PLEKHA5: variants seen among roughly 807,000 people sequenced by gnomAD.
The protein encoded by PLEKHA5 is pleckstrin homology domain containing A5.
A neutral mutation model predicts 181.9 loss-of-function variants in PLEKHA5; 55 were observed. That is an observed-to-expected ratio of 0.30 (90% CI 0.24 to 0.38). The LOEUF (loss-of-function observed/expected upper bound fraction) is 0.38. Among genes scored for constraint, PLEKHA5 ranks in the 10% least tolerant of loss-of-function variants. The pLI, the probability that PLEKHA5 is intolerant of heterozygous loss-of-function variation, is 1.00. For synonymous variants in PLEKHA5, 535 were observed against 529.4 expected (o/e 1.01, Z -0.15); for missense variants, 1,432 against 1,549.5 (o/e 0.92, Z 1.27).
chr12:19,184,020 A>G (rs2049238546), intron 3 of PLEKHA5, among the ~76,000 whole-genome samples: 1 of 152,094 alleles, frequency 6.6e-6, no homozygotes, highest in African/African-American at 2.4e-5. Context: ...TGGTCTTATA[A>G]GGAAAAATTT....
At chr12:19,186,327 A>T (rs1405206864) in intron 3 of PLEKHA5, among the ~76,000 whole-genome samples, 1 of 152,198 alleles carries the variant, frequency 6.6e-6, no homozygotes, top group African/African-American at 2.4e-5. Context: ...ATCAAAGGAC[A>T]TTGTCACATC....
chr12:19,366,051 A>G lies in PLEKHA5; in HGVS notation c.3696A>G (p.Glu1232=). 6.2e-7 allele frequency: 1 copy of G among 1,611,796 alleles called. No homozygotes were observed. The highest frequency in any genetic ancestry group is 8.5e-7 in the Non-Finnish European group (1 of 1,178,204). ...NTKNSVDEQE[E]TVISYESTPE... ...AGAACAGTGTTGACGAACAGGAAGA[A>G]ACTGTTATTTCTTACGAATCAACTC... Residue 1232 remains glutamate, a synonymous_variant, in exon 30 of 32, where the codon GAA becomes GAG. Transcript: ENST00000429027.
intron 15 of PLEKHA5, among the ~76,000 whole-genome samples, chr12:19,305,599 C>T (rs994150154): frequency 2.0e-5 from 3 of 150,232 alleles, no homozygotes; most frequent in African/African-American, 7.3e-5. Context: ...GGCTTGAGGC[C>T]TGTAATTCCA....
At chr12:19,191,406 A>T (rs938102604) in intron 3 of PLEKHA5, among the ~76,000 whole-genome samples, 4 of 152,158 alleles carry the variant, frequency 2.6e-5, no homozygotes, top group Non-Finnish European at 5.9e-5. Context: ...GTTAATGTTG[A>T]GTGTTGTTGA....
chr12:19,233,678 C>T (rs1418437477), intron 3 of PLEKHA5, among the ~76,000 whole-genome samples: 3 of 152,140 alleles, frequency 2.0e-5, no homozygotes, highest in South Asian at 2.1e-4. Flanking sequence ...AACATAAGGG[C>T]TGAAAAATTA....
intron 24 of PLEKHA5, 108 bp from the exon 25 acceptor site, chr12:19,348,291 C>T: frequency 2.6e-6 from 2 of 763,452 alleles, no homozygotes; most frequent in East Asian, 5.7e-5. Context: ...TCCCAGATGG[C>T]TCACTAGGGC....
chr12:19,355,267 A>G (rs191225070), intron 26 of PLEKHA5, among the ~76,000 whole-genome samples: 104 of 151,916 alleles, frequency 6.8e-4, no homozygotes, highest in African/African-American at 2.4e-3. Flanking sequence ...ATCTTTATCA[A>G]TACTCTACCT....
At chr12:19,212,709 T>G (rs892514012) in intron 3 of PLEKHA5, among the ~76,000 whole-genome samples, 3 of 152,190 alleles carry the variant, frequency 2.0e-5, no homozygotes, top group Non-Finnish European at 4.4e-5. Flanking sequence ...TATTTATAAC[T>G]TTTGAAATGT....
chr12:19,167,184 C>T (rs531386256), intron 3 of PLEKHA5, among the ~76,000 whole-genome samples: 2 of 152,242 alleles, frequency 1.3e-5, no homozygotes, highest in African/African-American at 4.8e-5. Flanking sequence ...GAGCAGTAAT[C>T]TGATCTCAGA....
intron 29 of PLEKHA5, among the ~76,000 whole-genome samples, chr12:19,364,649 C>T (rs78313437): frequency 0.023 from 3,440 of 151,904 alleles, 67 homozygotes; most frequent in East Asian, 0.054. Context: ...ACCCAATAAC[C>T]CCTGAACTCA....
In PLEKHA5 at chr12:19,356,360, C is replaced by T. The variant is rs536614794; in HGVS notation, c.3139-1868C>T. Among the ~76,000 whole-genome samples the T allele has an allele frequency of 7.9e-5, 12 of 151,540 alleles. No homozygotes were observed. In the East Asian group the frequency reaches 2.4e-3, roughly 30 times the overall value. ...GGAGACCCCATCTCTACAAAAATTACCAAAAAAAATTAGCCAGGCATGGTG... is the reference window on the plus strand; with the variant it reads ...GGAGACCCCATCTCTACAAAAATTATCAAAAAAAATTAGCCAGGCATGGTG... On this transcript the variant is annotated intron_variant, in intron 26 of 31. Coordinates refer to ENST00000429027, the MANE Select transcript of PLEKHA5 (RefSeq NM_001256470.2).
At chr12:19,264,233 G>A (rs938776573) in intron 7 of PLEKHA5, among the ~76,000 whole-genome samples, 8 of 152,024 alleles carry the variant, frequency 5.3e-5, no homozygotes, top group South Asian at 4.1e-4. Flanking sequence ...CAGATACTAA[G>A]CATCAATAAC....
rs2033175998 is a variant in PLEKHA5, at chr12:19,130,320, G to T, written c.169+190G>T. On this transcript the variant is annotated intron_variant, in intron 2 of 31. Coordinates refer to ENST00000429027, the MANE Select transcript of PLEKHA5 (RefSeq NM_001256470.2). This position sits in a 1 kb window ranked among gnomAD's most constrained non-coding sequence, Gnocchi z 4.5. ...GCCGCCGGGAGTTCTCTCCAGTCTC[G>T]GGGCGCCTCTTTCTCCTCAGCCTTT... Among the ~76,000 whole-genome samples the T allele has an allele frequency of 6.6e-6, 1 of 151,874 alleles. No individual in the cohort carries two copies. The highest frequency in any genetic ancestry group is 1.5e-5 in the Non-Finnish European group (1 of 67,912).
intron 3 of PLEKHA5, among the ~76,000 whole-genome samples, chr12:19,174,727 T>G (rs2046785214): frequency 6.6e-6 from 1 of 152,222 alleles, no homozygotes; most frequent in African/African-American, 2.4e-5. Flanking sequence ...CTTTTATTAT[T>G]TACATGATGC....
At chr12:19,202,652 C>G (rs1335431926) in intron 3 of PLEKHA5, among the ~76,000 whole-genome samples, 1 of 151,602 alleles carries the variant, frequency 6.6e-6, no homozygotes, top group Non-Finnish European at 1.5e-5. Flanking sequence ...TGAACCCTAA[C>G]AAACTCCAAT....
At position 19,320,585 on chromosome 12, in the gene PLEKHA5, C is replaced by A; in HGVS notation, c.2178C>A (p.Gly726=). 1 of 1,514,248 alleles carries A rather than the reference C, an allele frequency of 6.6e-7. No homozygotes were observed. The highest frequency in any genetic ancestry group is 1.7e-5 in the Admixed American group (1 of 57,556). The allele number at this position is 1,514,248 out of a possible 1,614,324, so 93.8% of individuals were successfully genotyped here. A position where few individuals can be genotyped will look rare whatever the true frequency, so the allele number is the denominator to read the frequency against. Residue 726 remains glycine (G), a synonymous_variant, in exon 18 of 32, where the codon GGC becomes GGA. Transcript: ENST00000429027. ...LYCLSQDEGR[G]TLYKYRPEEV... ...AGCTGTCACAAGATGAAGGTAGAGG[C>A]ACATTATACAAATACAGACCTGAAG...
intron 3 of PLEKHA5, among the ~76,000 whole-genome samples, chr12:19,140,805 T>C (rs2037028630): frequency 6.6e-6 from 1 of 152,188 alleles, no homozygotes; most frequent in African/African-American, 2.4e-5. Flanking sequence ...ATTTTCTTTT[T>C]GGAGACAGAG....
chr12:19,370,129 T>C (rs2115857), intron 31 of PLEKHA5, among the ~76,000 whole-genome samples: 135,813 of 152,282 alleles, frequency 0.89, 61,976 homozygotes, highest in Non-Finnish European at 1. Flanking sequence ...CCTGAGAATT[T>C]TGTTTAAGTC....
At chr12:19,143,824 A>G (rs1463766006) in intron 3 of PLEKHA5, among the ~76,000 whole-genome samples, 2 of 152,166 alleles carry the variant, frequency 1.3e-5, no homozygotes, top group African/African-American at 2.4e-5. Context: ...GGTTTTTAAT[A>G]ACTATGATGT....
Sources: allele counts gnomAD v4.1 joint callset (sites outside exome capture counted in the v4.1 genomes callset), GRCh38; gene constraint gnomAD v4.1.1; non-coding constraint Gnocchi (gnomAD v3.1); transcripts MANE v1.5; gene names NCBI Gene and HGNC (gene_info 2026-07-23, HGNC 2026-07-21).